SLC35B3: variants seen among roughly 807,000 people sequenced by gnomAD.
The protein encoded by SLC35B3 is adenosine 3'-phospho 5'-phosphosulfate transporter 2.
SLC35B3 carries 35 observed loss-of-function variants against 44.1 expected under a neutral mutation model. The observed-to-expected ratio is 0.79, with a 90% CI of 0.61 to 1.05. SLC35B3 has a LOEUF of 1.05. Ranked by LOEUF, SLC35B3 falls within the 50% of genes least tolerant of loss-of-function variation. The pLI, the probability that SLC35B3 is intolerant of heterozygous loss-of-function variation, is 0.00. For missense variants in SLC35B3, 414 were observed against 476.4 expected (o/e 0.87, Z 1.22); for synonymous variants, 146 against 167.3 (o/e 0.87, Z 0.98).
chr6:8,418,110 A>G (rs1189525779), intron 7 of SLC35B3, among the ~76,000 whole-genome samples: 1 of 152,134 alleles, frequency 6.6e-6, no homozygotes, highest in Non-Finnish European at 1.5e-5. Context: ...TCATAATCCA[A>G]TTTCCAGATG....
intron 5 of SLC35B3, among the ~76,000 whole-genome samples, chr6:8,421,269 A>G (rs1322545004): frequency 6.6e-6 from 1 of 152,246 alleles, no homozygotes; most frequent in East Asian, 1.9e-4. Flanking sequence ...ATAATGTGAT[A>G]ACTTCCAGGC....
intron 4 of SLC35B3, among the ~76,000 whole-genome samples, chr6:8,424,489 A>C (rs936303181): frequency 6.6e-6 from 1 of 152,112 alleles, no homozygotes; most frequent in African/African-American, 2.4e-5. Flanking sequence ...CGAACTCCTA[A>C]CCTCAGGTGA....
chr6:8,431,873 C>T (rs1421475736), intron 2 of SLC35B3, among the ~76,000 whole-genome samples: 2 of 152,166 alleles, frequency 1.3e-5, no homozygotes, highest in Admixed American at 1.3e-4. Flanking sequence ...TGCTCTCCCT[C>T]CACTCTCAAT....
At chr6:8,422,419 A>G (rs1762979319) in intron 5 of SLC35B3, 51 bp downstream of exon 4, 1 of 1,370,132 alleles carries the variant, frequency 7.3e-7, no homozygotes, top group Admixed American at 2.0e-5. Context: ...GCTAGATGCC[A>G]TAACATAGCC....
rs1312940116 is a variant in SLC35B3 at position 8,412,691 on chromosome 6, T to C, written c.*858A>G. Among the ~76,000 whole-genome samples the C allele has an allele frequency of 2.6e-5, 4 of 152,328 alleles. No homozygotes were observed. The highest frequency in any genetic ancestry group is 4.4e-5 in the Non-Finnish European group (3 of 68,030). ...TTTTTCCATGGACTGGGACAGGGGA[T>C]GGTTTCAGGATAAAACTATGAAACT... On this transcript the variant is annotated 3_prime_UTR_variant, in exon 11 of 11. Transcript: ENST00000644923.
intron 5 of SLC35B3, 152 bp downstream of exon 4, chr6:8,422,318 A>C (rs1395804298): frequency 1.2e-5 from 8 of 679,660 alleles, no homozygotes; most frequent in African/African-American, 3.7e-5. Context: ...TGTTTTTAGA[A>C]TACCTTATTT....
intron 3 of SLC35B3, among the ~76,000 whole-genome samples, chr6:8,428,921 C>G (rs1413544704): frequency 2.0e-5 from 3 of 151,986 alleles, no homozygotes; most frequent in Non-Finnish European, 4.4e-5. Context: ...TAATATTGTT[C>G]ATAGCATTCT....
chr6:8,428,723 T>G (rs1275831448), intron 3 of SLC35B3, among the ~76,000 whole-genome samples: 1 of 152,190 alleles, frequency 6.6e-6, no homozygotes, highest in Non-Finnish European at 1.5e-5. Flanking sequence ...TGGCTAACTC[T>G]GTTCCCAAGC....
At chr6:8,414,276 A>G (rs2113229643) in intron 10 of SLC35B3, among the ~76,000 whole-genome samples, 1 of 152,302 alleles carries the variant, frequency 6.6e-6, no homozygotes, top group East Asian at 1.9e-4. Flanking sequence ...TTTCCCTCCA[A>G]ACTTATAGAT....
Position 8,420,672 on chromosome 6 carries a change from T to C in SLC35B3, c.682+49A>G, listed in dbSNP as rs776571816. On this transcript the variant is annotated intron_variant, in intron 6 of 10. Coordinates refer to ENST00000644923, the MANE Select transcript of SLC35B3 (RefSeq NM_001370476.2). This position sits in a 1 kb window ranked among gnomAD's most constrained non-coding sequence, Gnocchi z 4.4. ...CTTACAAAATATTCGAAATTCGTAT[T>C]CTAAACTAAAAAGCCTATAAAAGCT... 2 of 1,378,560 alleles carry C rather than the reference T, an allele frequency of 1.5e-6. No individual in the cohort carries two copies. Among genetic ancestry groups the C allele is most frequent in the Non-Finnish European group, 2.0e-6 (2 of 987,452 alleles). The allele number at this position is 1,378,560 out of a possible 1,614,324, so 85.4% of individuals were successfully genotyped here.
rs1764391609 is a variant in SLC35B3 at position 8,435,335 on chromosome 6, A to G, written c.-44+8T>C. The stretch of plus-strand genomic sequence containing the variant: ...CAAACACAGGAAAGGCCCCGAAGGC[A>G]CGCGTACCCCAAGGCCGGTATGTCA... On this transcript the variant is annotated splice_region_variant and intron_variant, in intron 1 of 10. Transcript: ENST00000644923. The surrounding 1 kb of genome is among the most constrained non-coding windows in gnomAD (Gnocchi z 5.5). The G allele has an allele frequency of 7.8e-7, 1 of 1,289,150 alleles. No homozygotes were observed. The highest frequency in any genetic ancestry group is 1.0e-6 in the Non-Finnish European group (1 of 988,864). 79.9% of individuals were successfully genotyped at this position (1,289,150 alleles called of 1,614,324 possible). A position where few individuals can be genotyped will look rare whatever the true frequency, so the allele number is the denominator to read the frequency against.
chr6:8,425,760 G>A (rs937738487), intron 4 of SLC35B3, among the ~76,000 whole-genome samples: 21 of 152,030 alleles, frequency 1.4e-4, no homozygotes, highest in African/African-American at 2.7e-4. Flanking sequence ...TATTACAGTC[G>A]TTATTACATT....
chr6:8,426,922 C>T (rs1763468322), intron 4 of SLC35B3, among the ~76,000 whole-genome samples: 1 of 152,100 alleles, frequency 6.6e-6, no homozygotes, highest in Admixed American at 6.5e-5. Flanking sequence ...CTCAGATGGA[C>T]ATGAGGAACT....
rs1388887897 is a variant in SLC35B3 at position 8,434,954 on chromosome 6, CTAT to C, written c.-44+386_-44+388del. 2 of 497,278 alleles carry C rather than the reference CTAT, an allele frequency of 4.0e-6. No homozygotes were observed. Among genetic ancestry groups the C allele is most frequent in the African/African-American group, 4.1e-5 (2 of 48,566 alleles). The allele number at this position is 497,278 out of a possible 1,614,324, so 30.8% of individuals were successfully genotyped here. A position where few individuals can be genotyped will look rare whatever the true frequency, so the allele number is the denominator to read the frequency against. The stretch of plus-strand genomic sequence containing the variant: ...GAGAAAAGAGTACCTTGGAGTGCCC[CTAT>C]TTAATAAACACGGAACGAGGAAACA... On this transcript the variant is annotated intron_variant, in intron 1 of 10. Coordinates refer to ENST00000644923, the MANE Select transcript of SLC35B3 (RefSeq NM_001370476.2). This position sits in a 1 kb window ranked among gnomAD's most constrained non-coding sequence, Gnocchi z 6.3.
chr6:8,425,035 A>G (rs887428167), intron 4 of SLC35B3, among the ~76,000 whole-genome samples: 1 of 152,276 alleles, frequency 6.6e-6, no homozygotes, highest in African/African-American at 2.4e-5. Flanking sequence ...TACATTTATT[A>G]TAAATACATA....
chr6:8,417,006 TA>T lies in SLC35B3; in HGVS notation c.874-12del. 4.2e-6 allele frequency: 6 copies of T among 1,437,144 alleles called. No individual in the cohort carries two copies. The highest frequency in any genetic ancestry group is 2.3e-5 in the Admixed American group (1 of 43,586). The allele number at this position is 1,437,144 out of a possible 1,614,324, so 89.0% of individuals were successfully genotyped here. On this transcript the variant is annotated splice_polypyrimidine_tract_variant and intron_variant, in intron 8 of 10. Transcript: ENST00000644923. ...GGTCCGAACTGGATTCTGCAAAAAA[TA>T]AAAAAGCCTGTTAGAAAAATGTAAA...
chr6:8,424,479 C>A (rs142050432), intron 4 of SLC35B3, among the ~76,000 whole-genome samples: 455 of 152,226 alleles, frequency 3.0e-3, no homozygotes, highest in Admixed American at 0.011. Flanking sequence ...AGGCTGGTCT[C>A]GAACTCCTAA....
At position 8,420,835 on chromosome 6, in the gene SLC35B3, A is replaced by T; in HGVS notation, c.575-7T>A. 6.3e-7 allele frequency: 1 copy of T among 1,599,878 alleles called. No individual in the cohort carries two copies. The highest frequency in any genetic ancestry group is 8.5e-7 in the Non-Finnish European group (1 of 1,170,242). On this transcript the variant is annotated splice_region_variant and splice_polypyrimidine_tract_variant and intron_variant, in intron 5 of 10. Coordinates refer to ENST00000644923, the MANE Select transcript of SLC35B3 (RefSeq NM_001370476.2). The surrounding 1 kb of genome is among the most constrained non-coding windows in gnomAD (Gnocchi z 4.4). ...GCAACATTATAACGCTTTCCTGTAT[A>T]AAACAAACGTAAGTCCACTTCATTA...
intron 4 of SLC35B3, among the ~76,000 whole-genome samples, chr6:8,422,883 T>G (rs1313566802): frequency 6.6e-6 from 1 of 151,524 alleles, no homozygotes; most frequent in East Asian, 1.9e-4. Flanking sequence ...AGATTTTTAC[T>G]GAAGGTATAA....
Sources: gnomAD v4.1 joint callset for allele counts (sites outside exome capture counted in the v4.1 genomes callset) on GRCh38, gnomAD v4.1.1 for gene constraint, Gnocchi (gnomAD v3.1) non-coding constraint, MANE v1.5 for transcripts, NCBI Gene and HGNC (gene_info 2026-07-23, HGNC 2026-07-21) for gene names.